The following DAP3 variants were observed in gnomAD, a reference collection of about 807,000 sequenced individuals.
The protein encoded by DAP3 is small ribosomal subunit protein mS29.
A neutral mutation model predicts 51.9 loss-of-function variants in DAP3; 28 were observed. The observed-to-expected ratio is 0.54, with a 90% CI of 0.40 to 0.74. DAP3 has a LOEUF of 0.74. Ranked by LOEUF, DAP3 falls within the 30% of genes least tolerant of loss-of-function variation. The probability of loss-of-function intolerance (pLI) is 0.00; values close to 1 mark genes in which losing one functional copy is unlikely to be tolerated. For missense variants in DAP3, 458 were observed against 483.5 expected (o/e 0.95, Z 0.49); for synonymous variants, 170 against 170.3 (o/e 1.00, Z 0.01).
chr1:155,693,235 C>T (rs796293107), intron 1 of DAP3, among the ~76,000 whole-genome samples: 1 of 141,520 alleles, frequency 7.1e-6, no homozygotes, highest in Non-Finnish European at 1.5e-5. Flanking sequence ...AGAATTAGGT[C>T]GAATATCAAT....
In DAP3 at chr1:155,708,540, G is replaced by GTT. The variant is rs151238139; in HGVS notation, c.-7-1215_-7-1214dup. 7.9e-4 allele frequency among the ~76,000 whole-genome samples: 82 copies of GTT among 103,248 alleles called. 1 individual carries two copies. Among genetic ancestry groups the GTT allele is most frequent in the Non-Finnish European group, 9.4e-4 (50 of 53,458 alleles). 67.7% of individuals were successfully genotyped at this position (103,248 alleles called of 152,430 possible). ...TTTTTAATTTTCTTTTTCTGTTTTT[G>GTT]TTTTTTTTTTTTTTTTTTTGAGACA... On this transcript the variant is annotated intron_variant, in intron 1 of 12. Transcript: ENST00000368336.
At chr1:155,732,393 C>A (rs1279267594) in intron 11 of DAP3, among the ~76,000 whole-genome samples, 1 of 152,028 alleles carries the variant, frequency 6.6e-6, no homozygotes, top group Non-Finnish European at 1.5e-5. Context: ...CCACGCCCAG[C>A]TAATTTTTTG....
chr1:155,737,384 T>G (rs545392500), intron 12 of DAP3, among the ~76,000 whole-genome samples: 24 of 152,330 alleles, frequency 1.6e-4, no homozygotes, highest in Non-Finnish European at 2.5e-4. Context: ...TAGACTTCAC[T>G]GGAGAGACTC....
chr1:155,737,434 G>C lies in DAP3; in HGVS notation c.1111+371G>C, dbSNP rs563819202. Among the ~76,000 whole-genome samples, 7 of 152,244 alleles carry C rather than the reference G, an allele frequency of 4.6e-5. No individual in the cohort carries two copies. In the South Asian group the frequency reaches 1.4e-3, roughly 32 times the overall value. Reference sequence around the variant, plus strand: ...ACAGAAAAATTCATACTGTGCAAGGGCTACTCCAGCACCTAAGTAAATCTT... The same window carrying C: ...ACAGAAAAATTCATACTGTGCAAGGCCTACTCCAGCACCTAAGTAAATCTT... On this transcript the variant is annotated intron_variant, in intron 12 of 12. Transcript: ENST00000368336.
At chr1:155,688,960 C>A, upstream of DAP3, 1 of 1,610,908 alleles carries the variant, frequency 6.2e-7, no homozygotes, top group East Asian at 2.2e-5. Context: ...GGCGCTGCGG[C>A]TCGCCTCCTC....
intron 3 of DAP3, among the ~76,000 whole-genome samples, chr1:155,721,181 C>G (rs1414649067): frequency 1.3e-5 from 2 of 151,586 alleles, no homozygotes; most frequent in Admixed American, 1.3e-4. Flanking sequence ...ACTAGAAATA[C>G]AAAAATTAGC....
At chr1:155,710,465 C>G (rs987363744) in intron 2 of DAP3, 1 of 152,116 alleles carries the variant, frequency 6.6e-6, no homozygotes, top group African/African-American at 2.4e-5. Flanking sequence ...CTCCTGACTT[C>G]GTGATCTGCC....
chr1:155,736,528 A>C (rs1659815818), intron 11 of DAP3: 1 of 225,612 alleles, frequency 4.4e-6, no homozygotes, highest in African/African-American at 2.4e-5. Context: ...GTCTCAAGCA[A>C]TCCTCAGCCT....
At chr1:155,698,305 G>A (rs1396047115) in intron 1 of DAP3, among the ~76,000 whole-genome samples, 2 of 152,200 alleles carry the variant, frequency 1.3e-5, no homozygotes, top group Admixed American at 6.5e-5. Flanking sequence ...CACAATTTAT[G>A]TTCAGAGATT....
chr1:155,732,393 C>T (rs1279267594), intron 11 of DAP3, among the ~76,000 whole-genome samples: 1 of 152,028 alleles, frequency 6.6e-6, no homozygotes, highest in African/African-American at 2.4e-5. Context: ...CCACGCCCAG[C>T]TAATTTTTTG....
chr1:155,715,413 T>C (rs1043351173), intron 2 of DAP3, among the ~76,000 whole-genome samples: 4 of 151,902 alleles, frequency 2.6e-5, no homozygotes, highest in Non-Finnish European at 5.9e-5. Context: ...TCCCAGCTAC[T>C]TGGGAGCCTG....
Position 155,729,323 on chromosome 1 carries a change from C to G in DAP3, c.800C>G (p.Ala267Gly), listed in dbSNP as rs1275503948. Residue 267 changes from alanine to glycine, a missense_variant, in exon 9 of 13, where the codon GCT becomes GGT. Ala to Gly is a moderately conservative substitution (Grantham distance 60, BLOSUM62 0). Transcript: ENST00000368336. Reference protein sequence around the residue: ...HLLVAVDGINALWGRTTLKRE... With the variant: ...HLLVAVDGINGLWGRTTLKRE... ...CTAGTGGCCGTGGATGGAATCAATG[C>G]TCTTTGGGGAAGAACCACTCTGAAA... 7 of 1,614,022 alleles carry G rather than the reference C, an allele frequency of 4.3e-6. No individual in the cohort carries two copies. Among genetic ancestry groups the G allele is most frequent in the Non-Finnish European group, 5.9e-6 (7 of 1,180,038 alleles).
chr1:155,698,730 T>C (rs1654818044), intron 1 of DAP3, among the ~76,000 whole-genome samples: 2 of 152,214 alleles, frequency 1.3e-5, no homozygotes, highest in South Asian at 2.1e-4. Flanking sequence ...ATAAAACAAA[T>C]CCATAAGATT....
intron 1 of DAP3, among the ~76,000 whole-genome samples, chr1:155,705,534 T>G (rs1045870040): frequency 6.6e-6 from 1 of 150,886 alleles, no homozygotes; most frequent in Non-Finnish European, 1.5e-5. Flanking sequence ...ACCCAAGAGT[T>G]TGAGGCTACA....
At chr1:155,690,114 A>G (rs971606734) in intron 1 of DAP3, among the ~76,000 whole-genome samples, 2 of 141,482 alleles carry the variant, frequency 1.4e-5, no homozygotes, top group Non-Finnish European at 2.9e-5. Context: ...AGTTGTATCA[A>G]TGACTTGATT....
chr1:155,729,092 A>G lies in DAP3; in HGVS notation c.654A>G (p.Lys218=). The G allele has an allele frequency of 6.2e-7, 1 of 1,614,180 alleles. No homozygotes were observed. Residue 218 remains lysine, a synonymous_variant, in exon 8 of 13, where the codon AAA becomes AAG. Coordinates refer to ENST00000368336, the MANE Select transcript of DAP3 (RefSeq NM_004632.4). ...YVWNKRESTE[K]GSPLGEVVEQ... is the part of the protein sequence containing the mutation. ...GGAATAAGAGAGAAAGCACTGAGAA[A>G]GGGAGTCCTCTGGGAGAAGTGGTTG...
At chr1:155,718,207 G>A (rs529678756) in intron 3 of DAP3, among the ~76,000 whole-genome samples, 3 of 152,246 alleles carry the variant, frequency 2.0e-5, no homozygotes, top group East Asian at 1.9e-4. Flanking sequence ...CCAACATGGC[G>A]AAAGCCTGTC....
At chr1:155,688,782 G>A (rs1571391434), upstream of DAP3, 4 of 1,537,408 alleles carry the variant, frequency 2.6e-6, no homozygotes, top group South Asian at 3.6e-5. Flanking sequence ...TACACTCCTC[G>A]CGCGTGCGCC....
rs1382717465 is a variant in DAP3, at chr1:155,701,040, C to T, written c.-7-8733C>T. On this transcript the variant is annotated intron_variant, in intron 1 of 12. Transcript: ENST00000368336. ...CCCCCGCCCGGCCAGCCGCCCCCTC[C>T]GGGAGGGAGGTGGGGGGGGGTCAGC... is the stretch of plus-strand genomic sequence containing the variant. 4.7e-5 allele frequency among the ~76,000 whole-genome samples: 6 copies of T among 128,100 alleles called. No homozygotes were observed. The South Asian group carries it at 7.0e-4, about 15-fold the overall frequency. 84.0% of individuals were successfully genotyped at this position (128,100 alleles called of 152,430 possible).
Sources: allele counts gnomAD v4.1 joint callset (sites outside exome capture counted in the v4.1 genomes callset), GRCh38; gene constraint gnomAD v4.1.1; transcripts MANE v1.5; gene names NCBI Gene and HGNC (gene_info 2026-07-23, HGNC 2026-07-21).